NUP107: variants seen among roughly 807,000 people sequenced by gnomAD.
NUP107 encodes the protein nuclear pore complex protein Nup107.
Under a neutral mutation model 141.0 loss-of-function variants are expected in NUP107, and 101 were observed. That is an observed-to-expected ratio of 0.72 (90% CI 0.61 to 0.84). The LOEUF is 0.84. NUP107 is among the 40% of genes least tolerant of loss of function. NUP107 has a pLI of 0.00. For synonymous variants in NUP107, 319 were observed against 363.9 expected (o/e 0.88, Z 1.41); for missense variants, 941 against 1,102.7 (o/e 0.85, Z 2.08).
intron 10 of NUP107, among the ~76,000 whole-genome samples, chr12:68,713,375 C>CAAAAAAAAAAAAAAAAAAAACAAAAAAA (rs139024005): frequency 1.1e-5 from 1 of 87,406 alleles, no homozygotes; most frequent in Non-Finnish European, 2.3e-5. Flanking sequence ...ACCCTGTCTC[C>CAAAAAAAAAAAAAAAAAAAACAAAAAAA]AAAAAAAAAA....
intron 5 of NUP107, among the ~76,000 whole-genome samples, chr12:68,696,323 C>T (rs996603427): frequency 6.6e-6 from 1 of 151,584 alleles, no homozygotes; most frequent in Non-Finnish European, 1.5e-5. Flanking sequence ...TGAGATTGCG[C>T]CACTGCACTC....
Position 68,692,573 on chromosome 12 carries a change from C to T in NUP107, c.448+461C>T, listed in dbSNP as rs187521505. On this transcript the variant is annotated intron_variant, in intron 5 of 27. Transcript: ENST00000229179. ...CAGCCTGGGCTACAGAGCAAGACTC[C>T]GTCTAAAAAAAAAAAACAAAAAAAA... Among the ~76,000 whole-genome samples, 386 of 143,124 alleles carry T rather than the reference C, an allele frequency of 2.7e-3. 2 individuals carry two copies. The highest frequency in any genetic ancestry group is 8.5e-3 in the African/African-American group (337 of 39,842). The allele number at this position is 143,124 out of a possible 152,430, so 93.9% of individuals were successfully genotyped here.
chr12:68,696,959 G>A, intron 6 of NUP107, 37 bp downstream of exon 6: 2 of 1,292,660 alleles, frequency 1.5e-6, no homozygotes, highest in South Asian at 1.3e-5. Flanking sequence ...TCAAACTTCA[G>A]TATTTTTAGT....
intron 10 of NUP107, among the ~76,000 whole-genome samples, chr12:68,710,899 G>A (rs1241950583): frequency 6.6e-6 from 1 of 152,036 alleles, no homozygotes; most frequent in African/African-American, 2.4e-5. Context: ...ATCCAAGTAG[G>A]GTCCCCTATG....
intron 8 of NUP107, among the ~76,000 whole-genome samples, chr12:68,708,970 C>T (rs1024630051): frequency 6.6e-6 from 1 of 152,010 alleles, no homozygotes. Flanking sequence ...CCCAAAACAC[C>T]ATCTCTGGGA....
chr12:68,732,694 G>A lies in NUP107; in HGVS notation c.2056G>A (p.Ala686Thr). The A allele has an allele frequency of 1.2e-6, 2 of 1,609,642 alleles. No individual in the cohort carries two copies. Among genetic ancestry groups the A allele is most frequent in the Non-Finnish European group, 1.7e-6 (2 of 1,176,732 alleles). ...GTTGGTATTTGACCCAGCGCAGAGG[G>A]CAGAAGCACTGAAACAAGGCAATGC... ...DWLVFDPAQR[A>T]EALKQGNAIM... Residue 686 changes from alanine (A) to threonine (T), a missense_variant, in exon 23 of 28, where the codon GCA becomes ACA. Physicochemically the swap from Ala to Thr is moderately conservative, Grantham distance 58 (BLOSUM62 0). Transcript: ENST00000229179.
chr12:68,703,862 A>T (rs1876453713), intron 8 of NUP107, among the ~76,000 whole-genome samples: 1 of 152,174 alleles, frequency 6.6e-6, no homozygotes, highest in Non-Finnish European at 1.5e-5. Context: ...TTTTTGAGAC[A>T]TTCAGCCGGA....
At chr12:68,725,196 A>C (rs1164945329) in intron 17 of NUP107, among the ~76,000 whole-genome samples, 2 of 152,266 alleles carry the variant, frequency 1.3e-5, no homozygotes, top group Non-Finnish European at 2.9e-5. Flanking sequence ...GTTTGACAAC[A>C]AAAAATGAAC....
chr12:68,723,207 TA>T lies in NUP107; in HGVS notation c.1506+1066del, dbSNP rs879655945. Among the ~76,000 whole-genome samples the T allele has an allele frequency of 5.3e-4, 78 of 146,438 alleles. 1 individual carries two copies. The highest frequency in any genetic ancestry group is 8.0e-4 in the Non-Finnish European group (53 of 66,046). On this transcript the variant is annotated intron_variant, in intron 17 of 27. Coordinates refer to ENST00000229179, the MANE Select transcript of NUP107 (RefSeq NM_020401.4). The stretch of plus-strand genomic sequence containing the variant: ...GGGCAGCATAGCAAAACTTCGTCTC[TA>T]AAAAAAAAAATTAGCTGGGTATGGT...
At chr12:68,687,391 C>A in intron 1 of NUP107, 1 of 1,074,212 alleles carries the variant, frequency 9.3e-7, no homozygotes, top group Non-Finnish European at 1.2e-6. Flanking sequence ...GCTAAGTGAC[C>A]AGCCTGAGAT....
intron 20 of NUP107, among the ~76,000 whole-genome samples, chr12:68,730,828 G>A (rs1351454840): frequency 6.6e-6 from 1 of 152,104 alleles, no homozygotes; most frequent in African/African-American, 2.4e-5. Flanking sequence ...AAATTAGCAG[G>A]GCATAGTGGC....
chr12:68,701,560 T>C (rs890859863), intron 7 of NUP107, among the ~76,000 whole-genome samples: 6 of 151,898 alleles, frequency 4.0e-5, no homozygotes, highest in Admixed American at 6.6e-5. Flanking sequence ...TGGGCACCTA[T>C]AATCCCAGCT....
chr12:68,743,331 G>A lies in NUP107; in HGVS notation c.*869G>A, dbSNP rs534850246. On this transcript the variant is annotated 3_prime_UTR_variant, in exon 28 of 28. Coordinates refer to ENST00000229179, the MANE Select transcript of NUP107 (RefSeq NM_020401.4). ...GCATGAGAATCTCTTGAACCTGGAA[G>A]GCAGAGGTTGCAGTGAGCCGAGATC... 6.6e-6 allele frequency: 1 copy of A among 152,496 alleles called. No homozygotes were observed. Among genetic ancestry groups the A allele is most frequent in the East Asian group, 1.9e-4 (1 of 5,190 alleles). 9.4% of individuals were successfully genotyped at this position (152,496 alleles called of 1,614,324 possible).
intron 1 of NUP107, 162 bp downstream of exon 1, chr12:68,687,235 A>G (rs1394644450): frequency 1.9e-6 from 2 of 1,033,544 alleles, no homozygotes; most frequent in Non-Finnish European, 2.8e-6. Context: ...AAATGGGGAA[A>G]AAGCCGCTTG....
rs1301486315 is a variant in NUP107, at chr12:68,745,483, T to A, written c.*3021T>A. 1.3e-5 allele frequency: 2 copies of A among 152,236 alleles called. No individual in the cohort carries two copies. The highest frequency in any genetic ancestry group is 3.8e-4 in the East Asian group (2 of 5,204). The allele number at this position is 152,236 out of a possible 1,614,324, so 9.4% of individuals were successfully genotyped here. On this transcript the variant is annotated 3_prime_UTR_variant, in exon 28 of 28. Transcript: ENST00000229179. The stretch of plus-strand genomic sequence containing the variant: ...GAAGGACCTTACTGTCGATCAAGAC[T>A]GTTACTCAAAGTTCTATCTCTTAGT...
At chr12:68,721,238 T>C in intron 15 of NUP107, 61 bp downstream of exon 15, 1 of 1,089,140 alleles carries the variant, frequency 9.2e-7, no homozygotes, top group Admixed American at 1.9e-5. Context: ...TAAAATATTC[T>C]AACAATTGTA....
chr12:68,717,097 C>T (rs1031888480), intron 12 of NUP107, among the ~76,000 whole-genome samples: 3 of 152,008 alleles, frequency 2.0e-5, no homozygotes, highest in Non-Finnish European at 2.9e-5. Context: ...GTGGTTTCAC[C>T]GTGTTGCCCA....
Position 68,687,256 on chromosome 12 carries a change from G to A in NUP107, c.8+183G>A. ...GGAAAAAGCCGCTTGGCGTGCGTCG[G>A]GGTGGGGTACAGATCATAATAGTCC... On this transcript the variant is annotated intron_variant, in intron 1 of 27. Transcript: ENST00000229179. 4.6e-6 allele frequency: 4 copies of A among 862,550 alleles called. No individual in the cohort carries two copies. In the South Asian group the frequency reaches 6.7e-5, roughly 14 times the overall value. The allele number at this position is 862,550 out of a possible 1,614,324, so 53.4% of individuals were successfully genotyped here. A position where few individuals can be genotyped will look rare whatever the true frequency, so the allele number is the denominator to read the frequency against.
chr12:68,729,119 CA>C (rs1565701175), intron 20 of NUP107, among the ~76,000 whole-genome samples: 1 of 152,172 alleles, frequency 6.6e-6, no homozygotes, highest in Non-Finnish European at 1.5e-5. Context: ...AACAGCTCTT[CA>C]GAGATGATTA....
Sources: gnomAD v4.1 joint callset for allele counts (sites outside exome capture counted in the v4.1 genomes callset) on GRCh38, gnomAD v4.1.1 for gene constraint, MANE v1.5 for transcripts, NCBI Gene and HGNC (gene_info 2026-07-23, HGNC 2026-07-21) for gene names.